GBF1: variants seen among roughly 807,000 people sequenced by gnomAD.
GBF1 encodes golgi brefeldin A resistant guanine nucleotide exchange factor 1.
A neutral mutation model predicts 210.5 loss-of-function variants in GBF1; 114 were observed. That is an observed-to-expected ratio of 0.54 (90% CI 0.47 to 0.63). The LOEUF (loss-of-function observed/expected upper bound fraction) is 0.63. Among genes scored for constraint, GBF1 ranks in the 30% least tolerant of loss-of-function variants. GBF1 has a pLI of 0.00. For missense variants in GBF1, 1,851 were observed against 2,357.7 expected, an observed-to-expected ratio of 0.79 and a Z score of 4.45; for synonymous variants, 850 against 889.2, an observed-to-expected ratio of 0.96 and a Z score of 0.78.
At chr10:102,365,651 C>G in intron 18 of GBF1, 52 bp downstream of exon 18, 1 of 1,476,988 alleles carries the variant, frequency 6.8e-7, no homozygotes, top group Non-Finnish European at 9.5e-7. Context: ...TGGCTCATGC[C>G]TGTAATCCTG....
At chr10:102,268,319 C>CTACTGCATGTATCTGCATGTA (rs1198896780) in intron 3 of GBF1, among the ~76,000 whole-genome samples, 3 of 152,178 alleles carry the variant, frequency 2.0e-5, no homozygotes, top group African/African-American at 7.2e-5. Flanking sequence ...GGCACATTTT[C>CTACTGCATGTATCTGCATGTA]TACTGCATGT....
At chr10:102,375,328 T>C (rs1363588519) in intron 29 of GBF1, 31 bp from the exon 30 acceptor site, 5 of 1,312,518 alleles carry the variant, frequency 3.8e-6, no homozygotes, top group Non-Finnish European at 5.5e-6. Context: ...AGCTCCCCGC[T>C]TCCCCGCTCC....
chr10:102,248,443 G>A (rs2071100117), intron 1 of GBF1, among the ~76,000 whole-genome samples: 1 of 152,086 alleles, frequency 6.6e-6, no homozygotes, highest in Non-Finnish European at 1.5e-5. Context: ...CAATAGTAGT[G>A]TAAATGATCA....
chr10:102,289,105 GAA>G (rs58999096), intron 3 of GBF1, among the ~76,000 whole-genome samples: 20,855 of 118,056 alleles, frequency 0.18, 1,513 homozygotes, highest in Middle Eastern at 0.32. Context: ...CTCTGTCTCA[GAA>G]AAAAAAAAAA....
chr10:102,248,855 G>A (rs767755581), intron 1 of GBF1, among the ~76,000 whole-genome samples: 70 of 151,990 alleles, frequency 4.6e-4, no homozygotes, highest in Non-Finnish European at 8.2e-4. Context: ...GGCTGGTTTC[G>A]AACTCCTAGA....
intron 1 of GBF1, among the ~76,000 whole-genome samples, chr10:102,258,509 C>A (rs11191246): frequency 6.7e-6 from 1 of 149,294 alleles, no homozygotes; most frequent in Non-Finnish European, 1.5e-5. Context: ...CAGTGGCTCA[C>A]GCCTGTAATC....
intron 3 of GBF1, among the ~76,000 whole-genome samples, chr10:102,288,783 C>T (rs538593798): frequency 6.7e-6 from 1 of 148,774 alleles, no homozygotes; most frequent in African/African-American, 2.4e-5. Flanking sequence ...TTCATCTGGT[C>T]CTTTGTATAC....
chr10:102,352,311 T>C, intron 6 of GBF1, 147 bp from the exon 7 acceptor site: 1 of 663,626 alleles, frequency 1.5e-6, no homozygotes, highest in Non-Finnish European at 2.8e-6. Flanking sequence ...AGTGAAGTTC[T>C]GGCTGCCAGG....
At chr10:102,346,798 C>G (rs1162729494) in intron 4 of GBF1, among the ~76,000 whole-genome samples, 2 of 152,198 alleles carry the variant, frequency 1.3e-5, no homozygotes, top group African/African-American at 4.8e-5. Context: ...TGAGCCATTG[C>G]ACTCAGCCTT....
chr10:102,344,026 T>A, intron 3 of GBF1, 25 bp from the exon 4 acceptor site: 1 of 1,605,880 alleles, frequency 6.2e-7, no homozygotes, highest in Non-Finnish European at 8.5e-7. Flanking sequence ...ATGATACCTC[T>A]TCATTTCTGT....
At chr10:102,362,911 C>T (rs1253047350) in intron 15 of GBF1, among the ~76,000 whole-genome samples, 1 of 152,180 alleles carries the variant, frequency 6.6e-6, no homozygotes, top group Admixed American at 6.5e-5. Context: ...GAGAAGAGAA[C>T]AGAGATTAAA....
chr10:102,274,303 G>A (rs1258034406), intron 3 of GBF1, among the ~76,000 whole-genome samples: 1 of 152,058 alleles, frequency 6.6e-6, no homozygotes, highest in Non-Finnish European at 1.5e-5. Flanking sequence ...GAATAGCATT[G>A]GTGTTGTCCA....
chr10:102,368,690 G>T (rs1468304292), intron 22 of GBF1, 49 bp from the exon 23 acceptor site: 1 of 1,325,444 alleles, frequency 7.5e-7, no homozygotes, highest in African/African-American at 1.4e-5. Flanking sequence ...TGGAAGGGCT[G>T]CTTGGCCTTC....
At chr10:102,294,583 G>A (rs991292432) in intron 3 of GBF1, among the ~76,000 whole-genome samples, 10 of 151,582 alleles carry the variant, frequency 6.6e-5, no homozygotes, top group African/African-American at 2.2e-4. Flanking sequence ...GGGTTTCACC[G>A]TGTTAGCCAG....
At chr10:102,248,111 T>C (rs772746395) in intron 1 of GBF1, among the ~76,000 whole-genome samples, 2 of 152,184 alleles carry the variant, frequency 1.3e-5, no homozygotes, top group Non-Finnish European at 2.9e-5. Context: ...ACACTTCTCA[T>C]TGATTGATCA....
At chr10:102,351,521 C>A in intron 5 of GBF1, 147 bp downstream of exon 5, 1 of 624,912 alleles carries the variant, frequency 1.6e-6, no homozygotes, top group Non-Finnish European at 2.9e-6. Flanking sequence ...GCTGGGGTAC[C>A]CAAAGTAAAA....
chr10:102,352,785 G>A (rs1303491342), intron 7 of GBF1, among the ~76,000 whole-genome samples: 1 of 152,190 alleles, frequency 6.6e-6, no homozygotes, highest in East Asian at 1.9e-4. Context: ...CTGTTTCTGT[G>A]CAGGTAGCAG....
At chr10:102,381,939 G>A (rs1192766412) in intron 39 of GBF1, 117 bp from the exon 40 acceptor site, 20 of 787,526 alleles carry the variant, frequency 2.5e-5, no homozygotes, top group South Asian at 7.2e-5. Flanking sequence ...GTGGGGGGCC[G>A]TGTTGCTTAC....
In GBF1 at chr10:102,365,273, C is replaced by T. The variant is rs1008828122; in HGVS notation, c.2107-124C>T. ...TGATCTAGCCTTAGTTCTGTAATCA[C>T]TAAGAACCACATCCTAGGAGCTTTT... On this transcript the variant is annotated intron_variant, in intron 17 of 39. Transcript: ENST00000369983. The T allele has an allele frequency of 5.9e-6, 4 of 683,102 alleles. No homozygotes were observed. In the Admixed American group the frequency reaches 9.5e-5, roughly 16 times the overall value. 42.3% of individuals were successfully genotyped at this position (683,102 alleles called of 1,614,324 possible). A position where few individuals can be genotyped will look rare whatever the true frequency, so the allele number is the denominator to read the frequency against.
Sources: allele counts gnomAD v4.1 joint callset (sites outside exome capture counted in the v4.1 genomes callset), GRCh38; gene constraint gnomAD v4.1.1; transcripts MANE v1.5; gene names NCBI Gene and HGNC (gene_info 2026-07-23, HGNC 2026-07-21).